Variants in FUT9 observed in about 807,000 individuals in gnomAD.
FUT9 encodes fucosyltransferase 9.
Under a neutral mutation model 29.7 loss-of-function variants are expected in FUT9, and 15 were observed. That is an observed-to-expected ratio of 0.51 (90% CI 0.34 to 0.78). The LOEUF is 0.78. FUT9 is among the 30% of genes least tolerant of loss of function. The probability of loss-of-function intolerance (pLI) is 0.01; values close to 1 mark genes in which losing one functional copy is unlikely to be tolerated. For synonymous variants in FUT9, 169 were observed against 153.7 expected, an observed-to-expected ratio of 1.10 and a Z score of -0.74; for missense variants, 319 against 425.4, an observed-to-expected ratio of 0.75 and a Z score of 2.20.
chr6:96,018,386 A>G (rs553507304), intron 1 of FUT9, among the ~76,000 whole-genome samples: 1 of 152,184 alleles, frequency 6.6e-6, no homozygotes, highest in Non-Finnish European at 1.5e-5. Flanking sequence ...AAGGTCTCAG[A>G]ATTATCTATG....
intron 1 of FUT9, among the ~76,000 whole-genome samples, chr6:96,090,780 C>G (rs546459049): frequency 5.7e-4 from 87 of 151,856 alleles, no homozygotes; most frequent in African/African-American, 2.0e-3. Context: ...AACAGACACA[C>G]TCATTGGTCA....
At chr6:96,197,304 G>A (rs1465298297) in intron 2 of FUT9, among the ~76,000 whole-genome samples, 1 of 152,076 alleles carries the variant, frequency 6.6e-6, no homozygotes. Context: ...TCATTTGGTG[G>A]CAACTTCCTC....
At chr6:96,066,799 T>G (rs1463871715) in intron 1 of FUT9, among the ~76,000 whole-genome samples, 1 of 152,068 alleles carries the variant, frequency 6.6e-6, no homozygotes, top group Non-Finnish European at 1.5e-5. Context: ...TAGTAAAGAT[T>G]TTCCTCGTTC....
At chr6:96,118,495 T>C (rs1022749370) in intron 2 of FUT9, among the ~76,000 whole-genome samples, 2 of 152,222 alleles carry the variant, frequency 1.3e-5, no homozygotes, top group African/African-American at 4.8e-5. Context: ...GTGATGATGC[T>C]GGTGTAAACA....
intron 1 of FUT9, among the ~76,000 whole-genome samples, chr6:96,078,506 C>A (rs1384738210): frequency 2.1e-5 from 3 of 142,012 alleles, no homozygotes; most frequent in Non-Finnish European, 4.5e-5. Flanking sequence ...CTGCAAGCTC[C>A]GCCTCCTGGA....
intron 1 of FUT9, among the ~76,000 whole-genome samples, chr6:96,091,948 T>C (rs970391495): frequency 6.6e-6 from 1 of 152,120 alleles, no homozygotes; most frequent in African/African-American, 2.4e-5. Context: ...GAAACTCTAT[T>C]AGATCAGGAC....
chr6:96,149,986 T>C (rs1345087494), intron 2 of FUT9, among the ~76,000 whole-genome samples: 1 of 152,176 alleles, frequency 6.6e-6, no homozygotes, highest in Non-Finnish European at 1.5e-5. Flanking sequence ...CTCCCCTCTT[T>C]ACCCCCCTTC....
intron 2 of FUT9, among the ~76,000 whole-genome samples, chr6:96,126,726 T>C (rs947052282): frequency 1.3e-5 from 2 of 152,234 alleles, no homozygotes; most frequent in African/African-American, 4.8e-5. Flanking sequence ...TAATTCATGT[T>C]ATTTACTATT....
Position 96,207,879 on chromosome 6 carries a change from C to T in FUT9, c.*3644C>T. The T allele has an allele frequency of 6.0e-6, 1 of 166,684 alleles. No individual in the cohort carries two copies. 10.3% of individuals were successfully genotyped at this position (166,684 alleles called of 1,614,324 possible). A position where few individuals can be genotyped will look rare whatever the true frequency, so the allele number is the denominator to read the frequency against. On this transcript the variant is annotated 3_prime_UTR_variant, in exon 3 of 3. Coordinates refer to ENST00000302103, the MANE Select transcript of FUT9 (RefSeq NM_006581.4). ...ATAAGAATATATACTGAATTGTCCA[C>T]ATCCAGAGTATTACACCCTGAACAA...
intron 1 of FUT9, among the ~76,000 whole-genome samples, chr6:96,086,024 A>G (rs1248428578): frequency 6.6e-6 from 1 of 152,168 alleles, no homozygotes; most frequent in Non-Finnish European, 1.5e-5. Flanking sequence ...TATCCTCCAC[A>G]CTAAACTAAT....
chr6:96,104,177 C>T (rs144073848), intron 1 of FUT9, among the ~76,000 whole-genome samples: 2 of 152,328 alleles, frequency 1.3e-5, no homozygotes, highest in East Asian at 3.9e-4. Context: ...CCAGAGCTTT[C>T]AACTTTCCAC....
intron 2 of FUT9, among the ~76,000 whole-genome samples, chr6:96,160,208 C>G (rs1431653739): frequency 1.3e-5 from 2 of 152,112 alleles, no homozygotes; most frequent in African/African-American, 2.4e-5. Context: ...TGAATAAAAA[C>G]TGGGAATTCC....
At chr6:96,150,107 T>C (rs1772648222) in intron 2 of FUT9, among the ~76,000 whole-genome samples, 1 of 152,086 alleles carries the variant, frequency 6.6e-6, no homozygotes, top group African/African-American at 2.4e-5. Context: ...TTGATTCTCT[T>C]AGGACGGATA....
chr6:96,135,170 A>G (rs1255561478), intron 2 of FUT9, among the ~76,000 whole-genome samples: 2 of 151,944 alleles, frequency 1.3e-5, no homozygotes, highest in African/African-American at 2.4e-5. Flanking sequence ...ATTATGGATG[A>G]TATTTTTTTC....
intron 1 of FUT9, among the ~76,000 whole-genome samples, chr6:96,093,944 T>G (rs1402497850): frequency 6.6e-6 from 1 of 152,122 alleles, no homozygotes; most frequent in Non-Finnish European, 1.5e-5. Flanking sequence ...GAACCCTAAT[T>G]TGGTGCATTG....
chr6:96,203,022 AG>A, intron 2 of FUT9, 125 bp from the exon 3 acceptor site: 1 of 694,988 alleles, frequency 1.4e-6, no homozygotes, highest in Non-Finnish European at 2.3e-6. Context: ...AACACTGAAA[AG>A]GAAAATGCAG....
intron 2 of FUT9, among the ~76,000 whole-genome samples, chr6:96,122,871 C>T (rs1333251453): frequency 1.3e-5 from 2 of 151,716 alleles, no homozygotes; most frequent in African/African-American, 2.4e-5. Flanking sequence ...ACGGTGAAAC[C>T]CCGTCTCTAC....
intron 2 of FUT9, among the ~76,000 whole-genome samples, chr6:96,156,228 G>A (rs1772782271): frequency 6.6e-6 from 1 of 152,122 alleles, no homozygotes; most frequent in African/African-American, 2.4e-5. Flanking sequence ...CTGTGAGCCA[G>A]TGCAACTATC....
intron 1 of FUT9, among the ~76,000 whole-genome samples, chr6:96,033,833 A>G (rs1350906734): frequency 1.3e-5 from 2 of 151,656 alleles, no homozygotes; most frequent in African/African-American, 4.8e-5. Context: ...CACACATACA[A>G]ATACACTCAC....
Sources: allele counts gnomAD v4.1 joint callset (sites outside exome capture counted in the v4.1 genomes callset), GRCh38; gene constraint gnomAD v4.1.1; transcripts MANE v1.5; gene names NCBI Gene and HGNC (gene_info 2026-07-23, HGNC 2026-07-21).